Variants in ZNF277 observed in about 807,000 individuals in gnomAD.
ZNF277 encodes nuclear receptor-interacting factor 4.
In ZNF277, 55 loss-of-function variants were observed where a neutral mutation model predicts 60.7. That is an observed-to-expected ratio of 0.91 (90% CI 0.73 to 1.13). The LOEUF (loss-of-function observed/expected upper bound fraction) is 1.13, where lower values mean the gene tolerates loss of function less well. ZNF277 is among the 50% of genes most tolerant of loss of function. The pLI, the probability that ZNF277 is intolerant of heterozygous loss-of-function variation, is 0.00. For synonymous variants in ZNF277, 178 were observed against 179.3 expected (o/e 0.99, Z 0.06); for missense variants, 510 against 523.0 (o/e 0.98, Z 0.24).
chr7:112,254,448 GCAA>G (rs1459011593), intron 1 of ZNF277, among the ~76,000 whole-genome samples: 2 of 152,176 alleles, frequency 1.3e-5, no homozygotes, highest in Admixed American at 6.5e-5. Flanking sequence ...GCTGTAGTAG[GCAA>G]CAACATCACA....
intron 1 of ZNF277, among the ~76,000 whole-genome samples, chr7:112,241,511 TA>T (rs1790954488): frequency 6.6e-6 from 1 of 152,066 alleles, no homozygotes; most frequent in South Asian, 2.1e-4. Flanking sequence ...ATACCCAAAA[TA>T]AAGGAAATCA....
chr7:112,274,584 T>G (rs572874416), intron 1 of ZNF277, among the ~76,000 whole-genome samples: 1 of 152,216 alleles, frequency 6.6e-6, no homozygotes, highest in Non-Finnish European at 1.5e-5. Flanking sequence ...TAAAAATGTG[T>G]CATAGCTACT....
chr7:112,309,359 T>C (rs957679599), intron 4 of ZNF277, among the ~76,000 whole-genome samples: 4 of 152,046 alleles, frequency 2.6e-5, no homozygotes, highest in Non-Finnish European at 4.4e-5. Context: ...GGGAAGATTG[T>C]TTGAGGAAGA....
intron 2 of ZNF277, among the ~76,000 whole-genome samples, chr7:112,290,666 C>G (rs977515041): frequency 6.6e-6 from 1 of 152,128 alleles, no homozygotes; most frequent in African/African-American, 2.4e-5. Flanking sequence ...ATTGATCAGG[C>G]ATGTATCTGA....
At chr7:112,298,326 G>A (rs977196735) in intron 4 of ZNF277, among the ~76,000 whole-genome samples, 5 of 152,104 alleles carry the variant, frequency 3.3e-5, no homozygotes, top group Non-Finnish European at 4.4e-5. Flanking sequence ...TAATAATGCT[G>A]TGTCTTAACA....
chr7:112,297,850 ACTCAAACC>A (rs1428891861), intron 4 of ZNF277, among the ~76,000 whole-genome samples: 19 of 152,286 alleles, frequency 1.2e-4, no homozygotes, highest in Admixed American at 8.5e-4. Flanking sequence ...ATTTATAAGA[ACTCAAACC>A]CTACTACTTC....
intron 1 of ZNF277, among the ~76,000 whole-genome samples, chr7:112,221,715 T>C (rs898171502): frequency 1.3e-5 from 2 of 151,944 alleles, no homozygotes; most frequent in African/African-American, 4.8e-5. Context: ...CACAGTAGGG[T>C]TCACACTCCT....
chr7:112,254,797 C>T (rs1022371372), intron 1 of ZNF277, among the ~76,000 whole-genome samples: 2 of 151,948 alleles, frequency 1.3e-5, no homozygotes, highest in Admixed American at 1.3e-4. Context: ...AGTGAGAACT[C>T]GCCTGTAGAA....
At chr7:112,299,188 A>G (rs1489998423) in intron 4 of ZNF277, among the ~76,000 whole-genome samples, 2 of 152,206 alleles carry the variant, frequency 1.3e-5, no homozygotes, top group Non-Finnish European at 1.5e-5. Context: ...GCATGAGGTT[A>G]GTGTGGGTGA....
At chr7:112,300,504 A>C (rs1419003955) in intron 4 of ZNF277, among the ~76,000 whole-genome samples, 3 of 152,058 alleles carry the variant, frequency 2.0e-5, no homozygotes, top group Non-Finnish European at 4.4e-5. Context: ...TATGTTTCTC[A>C]AGATCTTATC....
In ZNF277 at chr7:112,336,087, C is replaced by T. The variant is rs1261814987; in HGVS notation, c.802-17C>T. ...CTTTCCCCCAATGTCTCTCATCCCTCTGTTCTTCCTACAAAGGAACTTGGA... is the reference window on the plus strand; with the variant it reads ...CTTTCCCCCAATGTCTCTCATCCCTTTGTTCTTCCTACAAAGGAACTTGGA... On this transcript the variant is annotated splice_polypyrimidine_tract_variant and intron_variant, in intron 7 of 11. Coordinates refer to ENST00000361822, the MANE Select transcript of ZNF277 (RefSeq NM_021994.3). 8 of 1,608,470 alleles carry T rather than the reference C, an allele frequency of 5.0e-6. No homozygotes were observed. Among genetic ancestry groups the T allele is most frequent in the Non-Finnish European group, 5.9e-6 (7 of 1,176,528 alleles).
At chr7:112,279,052 A>T (rs534517403) in intron 1 of ZNF277, among the ~76,000 whole-genome samples, 2 of 152,198 alleles carry the variant, frequency 1.3e-5, no homozygotes, top group Admixed American at 6.5e-5. Context: ...CATTCCTTTT[A>T]AAAAAGGCTG....
intron 1 of ZNF277, among the ~76,000 whole-genome samples, chr7:112,271,870 A>G (rs1211508291): frequency 6.6e-6 from 1 of 152,158 alleles, no homozygotes; most frequent in African/African-American, 2.4e-5. Context: ...ATACACACAT[A>G]CAGTGCATAA....
At chr7:112,220,719 T>G (rs1446522322) in intron 1 of ZNF277, among the ~76,000 whole-genome samples, 1 of 152,114 alleles carries the variant, frequency 6.6e-6, no homozygotes, top group Non-Finnish European at 1.5e-5. Flanking sequence ...GGTGACCACA[T>G]CCACCTTTAA....
chr7:112,222,475 A>G (rs973672521), intron 1 of ZNF277, among the ~76,000 whole-genome samples: 1 of 152,164 alleles, frequency 6.6e-6, no homozygotes, highest in Admixed American at 6.5e-5. Context: ...TTGCCATATA[A>G]TTGCTCATAG....
Position 112,256,430 on chromosome 7 carries a change from T to TG in ZNF277, c.92-30443_92-30442insG, listed in dbSNP as rs199528576. On this transcript the variant is annotated intron_variant, in intron 1 of 11. Transcript: ENST00000361822. Reference sequence around the variant, plus strand: ...AATTAACTTCTTTGGAGTTTTTTTTTTTTTTTTTTTTTTTTTTGAGAAAGA... The same window carrying TG: ...AATTAACTTCTTTGGAGTTTTTTTTTGTTTTTTTTTTTTTTTTTGAGAAAGA... Among the ~76,000 whole-genome samples the TG allele has an allele frequency of 7.7e-4, 111 of 143,590 alleles. 1 individual carries two copies. Among genetic ancestry groups the TG allele is most frequent in the Admixed American group, 2.6e-3 (37 of 14,300 alleles). 94.2% of individuals were successfully genotyped at this position (143,590 alleles called of 152,430 possible).
chr7:112,257,961 C>T (rs1791359934), intron 1 of ZNF277, among the ~76,000 whole-genome samples: 1 of 151,974 alleles, frequency 6.6e-6, no homozygotes, highest in African/African-American at 2.4e-5. Flanking sequence ...CTGCAGGACA[C>T]ACCACCAGGC....
At chr7:112,246,075 C>G (rs1791075063) in intron 1 of ZNF277, among the ~76,000 whole-genome samples, 1 of 152,040 alleles carries the variant, frequency 6.6e-6, no homozygotes, top group Non-Finnish European at 1.5e-5. Flanking sequence ...TATAATGGCC[C>G]AGGAACTACA....
intron 1 of ZNF277, among the ~76,000 whole-genome samples, chr7:112,245,116 A>T (rs1328316051): frequency 6.6e-6 from 1 of 152,176 alleles, no homozygotes; most frequent in Non-Finnish European, 1.5e-5. Flanking sequence ...CCTTCCCTTC[A>T]GAAACTTCTT....
Sources: gnomAD v4.1 joint callset for allele counts (sites outside exome capture counted in the v4.1 genomes callset) on GRCh38, gnomAD v4.1.1 for gene constraint, MANE v1.5 for transcripts, NCBI Gene and HGNC (gene_info 2026-07-23, HGNC 2026-07-21) for gene names.